The following CMIP variants were observed in gnomAD, a reference collection of about 807,000 sequenced individuals.
CMIP encodes c-Maf inducing protein, also known as C-Maf-inducing protein.
Under a neutral mutation model 97.3 loss-of-function variants are expected in CMIP, and 13 were observed. That is an observed-to-expected ratio of 0.13 (90% CI 0.09 to 0.21). The LOEUF (loss-of-function observed/expected upper bound fraction) is 0.21. Among genes scored for constraint, CMIP ranks in the 10% least tolerant of loss-of-function variants. CMIP has a pLI of 1.00. For missense variants in CMIP, 847 were observed against 1,024.9 expected (o/e 0.83, Z 2.37); for synonymous variants, 538 against 436.3 (o/e 1.23, Z -2.91).
At chr16:81,605,153 T>C (rs937249818) in intron 1 of CMIP, among the ~76,000 whole-genome samples, 3 of 152,216 alleles carry the variant, frequency 2.0e-5, no homozygotes, top group African/African-American at 7.2e-5. Context: ...CTGAGTCATT[T>C]ACTGCAGAAT....
At chr16:81,468,477 G>A (rs922929529) in intron 1 of CMIP, among the ~76,000 whole-genome samples, 2 of 152,276 alleles carry the variant, frequency 1.3e-5, no homozygotes, top group African/African-American at 2.4e-5. Context: ...TGAGAAGTGA[G>A]CAGATATGCC....
At chr16:81,676,648 A>T (rs906654419) in intron 9 of CMIP, among the ~76,000 whole-genome samples, 1 of 152,150 alleles carries the variant, frequency 6.6e-6, no homozygotes, top group African/African-American at 2.4e-5. Flanking sequence ...TGGATTGTTT[A>T]TTTCCCCCAG....
intron 1 of CMIP, among the ~76,000 whole-genome samples, chr16:81,457,917 TC>T (rs1324614358): frequency 6.6e-6 from 1 of 151,792 alleles, no homozygotes; most frequent in Non-Finnish European, 1.5e-5. Flanking sequence ...GTTGGCAAGC[TC>T]CCCCCTACCT....
intron 3 of CMIP, among the ~76,000 whole-genome samples, chr16:81,638,972 A>G (rs1318237519): frequency 6.6e-6 from 1 of 152,144 alleles, no homozygotes; most frequent in Non-Finnish European, 1.5e-5. Context: ...TCCTGGAGAA[A>G]CAGCCCCCGC....
intron 3 of CMIP, among the ~76,000 whole-genome samples, chr16:81,640,298 C>G (rs543405131): frequency 1.9e-4 from 29 of 149,936 alleles, no homozygotes; most frequent in South Asian, 1.9e-3. Flanking sequence ...CCCCCCCCCC[C>G]CAATTCCCCA....
intron 1 of CMIP, among the ~76,000 whole-genome samples, chr16:81,558,979 C>T (rs879717020): frequency 1.3e-5 from 2 of 152,186 alleles, no homozygotes; most frequent in African/African-American, 4.8e-5. Flanking sequence ...GAGTAAACAC[C>T]CAGCCCTCTC....
At position 81,621,973 on chromosome 16, in the gene CMIP, G is replaced by C. The variant is rs2091998478; in HGVS notation, c.477+1047G>C. Reference sequence around the variant, plus strand: ...GGGGCCAAGTCTCAGAAGCTGAGCTGAGTCTCCACGTTGGGTTGCAAAGGG... The same window carrying C: ...GGGGCCAAGTCTCAGAAGCTGAGCTCAGTCTCCACGTTGGGTTGCAAAGGG... On this transcript the variant is annotated intron_variant, in intron 3 of 20. Coordinates refer to ENST00000537098, the MANE Select transcript of CMIP (RefSeq NM_198390.3). This position sits in a 1 kb window ranked among gnomAD's most constrained non-coding sequence, Gnocchi z 4.1. The C allele has an allele frequency of 6.6e-6, 1 of 152,272 alleles. No homozygotes were observed. Among genetic ancestry groups the C allele is most frequent in the Non-Finnish European group, 1.5e-5 (1 of 68,074 alleles). 9.4% of individuals were successfully genotyped at this position (152,272 alleles called of 1,614,324 possible).
At chr16:81,607,409 A>G (rs1431311223) in intron 1 of CMIP, among the ~76,000 whole-genome samples, 158 bp from the exon 2 acceptor site, 4 of 152,246 alleles carry the variant, frequency 2.6e-5, no homozygotes, top group Admixed American at 1.3e-4. Context: ...AGCCAGAAAC[A>G]GGGAGGCTTG....
chr16:81,711,085 G>A lies in CMIP; in HGVS notation c.*1286G>A, dbSNP rs917065297. On this transcript the variant is annotated 3_prime_UTR_variant, in exon 21 of 21. Coordinates refer to ENST00000537098, the MANE Select transcript of CMIP (RefSeq NM_198390.3). ...CACTCCTTCTGTCCCCACCTGCTCC[G>A]AAGACAAACCAACCTCCGTTTCTTT... 6.8e-5 allele frequency: 8 copies of A among 117,642 alleles called. No homozygotes were observed. The highest frequency in any genetic ancestry group is 1.2e-4 in the Admixed American group (1 of 8,086). The allele number at this position is 117,642 out of a possible 1,614,324, so 7.3% of individuals were successfully genotyped here. A position where few individuals can be genotyped will look rare whatever the true frequency, so the allele number is the denominator to read the frequency against.
intron 1 of CMIP, among the ~76,000 whole-genome samples, chr16:81,530,209 G>T (rs919736983): frequency 1.3e-5 from 2 of 152,138 alleles, no homozygotes; most frequent in Admixed American, 6.5e-5. Flanking sequence ...ATTCCTACCA[G>T]GGTCCCACGT....
chr16:81,520,786 C>G (rs1364801044), intron 1 of CMIP, among the ~76,000 whole-genome samples: 1 of 152,104 alleles, frequency 6.6e-6, no homozygotes, highest in Non-Finnish European at 1.5e-5. Flanking sequence ...CTCTGAGCCT[C>G]ATTCCTGTGT....
At chr16:81,475,556 G>C (rs892632107) in intron 1 of CMIP, among the ~76,000 whole-genome samples, 1 of 152,080 alleles carries the variant, frequency 6.6e-6, no homozygotes, top group African/African-American at 2.4e-5. Flanking sequence ...CTGCAATCCA[G>C]CTAGGCATGG....
Position 81,657,834 on chromosome 16 carries a change from A to T in CMIP, c.681+18A>T. ...TCATTGTGGTAAGTTCCTCTCGAAC[A>T]CGCTCCCTCCACCCACCTCCGCCTC... is the stretch of plus-strand genomic sequence containing the variant. On this transcript the variant is annotated intron_variant, in intron 5 of 20. Coordinates refer to ENST00000537098, the MANE Select transcript of CMIP (RefSeq NM_198390.3). 2 of 1,597,492 alleles carry T rather than the reference A, an allele frequency of 1.3e-6. No homozygotes were observed. The highest frequency in any genetic ancestry group is 2.3e-5 in the East Asian group (1 of 44,198).
At position 81,533,014 on chromosome 16, in the gene CMIP, C is replaced by G. The variant is rs941693920; in HGVS notation, c.301-74553C>G. Among the ~76,000 whole-genome samples the G allele has an allele frequency of 3.3e-5, 5 of 152,138 alleles. No homozygotes were observed. In the East Asian group the frequency reaches 5.8e-4, roughly 18 times the overall value. Reference sequence around the variant, plus strand: ...TCTAAACACCCACACCACACGCTCCCTCGCTTCCCTCCTGTCTCCTGTCAG... The same window carrying G: ...TCTAAACACCCACACCACACGCTCCGTCGCTTCCCTCCTGTCTCCTGTCAG... On this transcript the variant is annotated intron_variant, in intron 1 of 20. Transcript: ENST00000537098.
At chr16:81,680,876 T>G (rs1411624508) in intron 10 of CMIP, among the ~76,000 whole-genome samples, 2 of 152,196 alleles carry the variant, frequency 1.3e-5, no homozygotes, top group Non-Finnish European at 2.9e-5. Context: ...GGCCTTCTGG[T>G]ATTTGGGGCC....
chr16:81,517,291 A>G (rs1284453409), intron 1 of CMIP, among the ~76,000 whole-genome samples: 1 of 102,826 alleles, frequency 9.7e-6, no homozygotes, highest in African/African-American at 2.8e-5. Flanking sequence ...AAAATCAGAC[A>G]GCTTCCAAGG....
rs535362119 is a variant in CMIP, at chr16:81,448,891, A to C, written c.300+3350A>C. On this transcript the variant is annotated intron_variant, in intron 1 of 20. Transcript: ENST00000537098. ...GTGCCCCATTCCCTCTTTGTACCCA[A>C]ACTTCCCAGTTCCTGGGCCTCACTG... is the stretch of plus-strand genomic sequence containing the variant. Among the ~76,000 whole-genome samples the C allele has an allele frequency of 2.6e-5, 4 of 152,228 alleles. No homozygotes were observed. The East Asian group carries it at 7.7e-4, about 29-fold the overall frequency.
chr16:81,529,177 C>G (rs1203090614), intron 1 of CMIP, among the ~76,000 whole-genome samples: 1 of 152,168 alleles, frequency 6.6e-6, no homozygotes, highest in Non-Finnish European at 1.5e-5. Flanking sequence ...AGAGAGGTCT[C>G]TAGGGCAGGT....
rs370366653 is a variant in CMIP at position 81,670,213 on chromosome 16, G to A, written c.897G>A (p.Ala299=). ...TCCTTGCCTTGAACGAGCTCAACGCGGGGATGGAAGTGGTGAAGAAGTTCA... is the reference window on the plus strand; with the variant it reads ...TCCTTGCCTTGAACGAGCTCAACGCAGGGATGGAAGTGGTGAAGAAGTTCA... ...EYILALNELN[A]GMEVVKKFIQ... The change falls in exon 8 of 21, where the codon GCG becomes GCA. Residue 299 remains alanine, a synonymous_variant. Transcript: ENST00000537098. 41 of 1,611,166 alleles carry A rather than the reference G, an allele frequency of 2.5e-5. No individual in the cohort carries two copies. The African/African-American group carries it at 3.1e-4, about 12-fold the overall frequency.
Sources: gnomAD v4.1 joint callset for allele counts (sites outside exome capture counted in the v4.1 genomes callset) on GRCh38, gnomAD v4.1.1 for gene constraint, Gnocchi (gnomAD v3.1) non-coding constraint, MANE v1.5 for transcripts, NCBI Gene and HGNC (gene_info 2026-07-23, HGNC 2026-07-21) for gene names.